Variants in SCN11A observed in about 807,000 individuals in gnomAD.
SCN11A encodes sodium voltage-gated channel alpha subunit 11, also known as sodium channel protein type 11 subunit alpha.
SCN11A carries 122 observed loss-of-function variants against 162.2 expected under a neutral mutation model. That is an observed-to-expected ratio of 0.75 (90% CI 0.65 to 0.87). The LOEUF (loss-of-function observed/expected upper bound fraction) is 0.87, where lower values mean the gene tolerates loss of function less well. Among genes scored for constraint, SCN11A ranks in the 40% least tolerant of loss-of-function variants. The probability of loss-of-function intolerance (pLI) is 0.00; values close to 1 mark genes in which losing one functional copy is unlikely to be tolerated. For missense variants in SCN11A, 2,015 were observed against 2,181.6 expected, an observed-to-expected ratio of 0.92 and a Z score of 1.52; for synonymous variants, 758 against 751.5, an observed-to-expected ratio of 1.01 and a Z score of -0.14.
At chr3:38,914,082 G>A (rs2065924521) in intron 11 of SCN11A, among the ~76,000 whole-genome samples, 1 of 152,068 alleles carries the variant, frequency 6.6e-6, no homozygotes, top group African/African-American at 2.4e-5. Context: ...ATTGCTCTAG[G>A]CAGTATATCC....
chr3:39,010,672 C>G (rs2125602441), intron 2 of SCN11A, among the ~76,000 whole-genome samples: 1 of 152,328 alleles, frequency 6.6e-6, no homozygotes, highest in Non-Finnish European at 1.5e-5. Flanking sequence ...GCCACCACTC[C>G]CAGCCCGTGA....
At chr3:38,963,243 A>T (rs2066753389) in intron 2 of SCN11A, among the ~76,000 whole-genome samples, 1 of 150,054 alleles carries the variant, frequency 6.7e-6, no homozygotes, top group Admixed American at 6.7e-5. Flanking sequence ...AAAAAAAATA[A>T]TCTGTACATC....
chr3:39,037,072 C>G (rs2031920949), intron 1 of SCN11A, among the ~76,000 whole-genome samples: 1 of 152,190 alleles, frequency 6.6e-6, no homozygotes, highest in Non-Finnish European at 1.5e-5. Context: ...TGGAATCAAC[C>G]TAAGTGTTCA....
intron 7 of SCN11A, 33 bp from the exon 8 acceptor site, chr3:38,926,964 C>T (rs1559537015): frequency 1.3e-6 from 2 of 1,589,640 alleles, no homozygotes; most frequent in Admixed American, 3.5e-5. Context: ...CAGGAAGAAA[C>T]ATGATAAACA....
rs763171164 is a variant in SCN11A at position 38,995,811 on chromosome 3, ATCTATCTG to A, written c.-279-35396_-279-35389del. ...CTCACAATAAATTGTCTATCTATCTATCTATCTGTCTATCTATCTATCTATCTATCTAT... is the reference window on the plus strand; with the variant it reads ...CTCACAATAAATTGTCTATCTATCTATCTATCTATCTATCTATCTATCTAT... On this transcript the variant is annotated intron_variant, in intron 2 of 29. Coordinates refer to ENST00000302328, the MANE Select transcript of SCN11A (RefSeq NM_001349253.2). Among the ~76,000 whole-genome samples, 671 of 142,958 alleles carry A rather than the reference ATCTATCTG, an allele frequency of 4.7e-3. 7 individuals are homozygous for A. The highest frequency in any genetic ancestry group is 0.016 in the African/African-American group (559 of 34,276). The allele number at this position is 142,958 out of a possible 152,430, so 93.8% of individuals were successfully genotyped here.
At chr3:39,033,164 AAAGAG>A (rs765519833) in intron 1 of SCN11A, among the ~76,000 whole-genome samples, 10 of 149,026 alleles carry the variant, frequency 6.7e-5, no homozygotes, top group Non-Finnish European at 6.0e-5. Context: ...AAAAAAAAAA[AAAGAG>A]AGAGAGAGAG....
intron 2 of SCN11A, among the ~76,000 whole-genome samples, chr3:39,024,199 T>C (rs1382947059): frequency 1.3e-5 from 2 of 152,204 alleles, no homozygotes; most frequent in Non-Finnish European, 1.5e-5. Flanking sequence ...AAATCGTTTG[T>C]TTTTATGTTT....
chr3:38,990,775 A>C (rs897380723), intron 2 of SCN11A, among the ~76,000 whole-genome samples: 1 of 152,160 alleles, frequency 6.6e-6, no homozygotes, highest in African/African-American at 2.4e-5. Flanking sequence ...GAAAAGGTTA[A>C]GAAACTCGGC....
chr3:38,938,509 C>CATATATATATATAT (rs1166609754), intron 7 of SCN11A, among the ~76,000 whole-genome samples: 2 of 35,522 alleles, frequency 5.6e-5, no homozygotes, highest in Non-Finnish European at 1.1e-4. Context: ...GGAAAAATAT[C>CATATATATATATAT]ATATATATAT....
chr3:39,011,731 T>C (rs1024561731), intron 2 of SCN11A, among the ~76,000 whole-genome samples: 4 of 152,196 alleles, frequency 2.6e-5, no homozygotes, highest in African/African-American at 9.6e-5. Flanking sequence ...CTCAAGATTT[T>C]CCTATATTTC....
At chr3:39,003,523 T>C (rs1314256394) in intron 2 of SCN11A, among the ~76,000 whole-genome samples, 1 of 152,232 alleles carries the variant, frequency 6.6e-6, no homozygotes, top group African/African-American at 2.4e-5. Flanking sequence ...GTAGAATGAT[T>C]TATATTCCTC....
At chr3:38,985,315 A>G (rs901326477) in intron 2 of SCN11A, among the ~76,000 whole-genome samples, 1 of 150,028 alleles carries the variant, frequency 6.7e-6, no homozygotes, top group Non-Finnish European at 1.5e-5. Flanking sequence ...TATTTTTAGT[A>G]GAGACGGGGT....
rs559077489 is a variant in SCN11A at position 38,985,067 on chromosome 3, G to A, written c.-279-24644C>T. Among the ~76,000 whole-genome samples the A allele has an allele frequency of 7.2e-4, 108 of 150,384 alleles. 10 individuals carry two copies. The highest frequency in any genetic ancestry group is 2.4e-3 in the African/African-American group (94 of 39,902). On this transcript the variant is annotated intron_variant, in intron 2 of 29. Coordinates refer to ENST00000302328, the MANE Select transcript of SCN11A (RefSeq NM_001349253.2). ...TTGTGATACAATGAAAGCCACAGGA[G>A]GGCTTAAACAGAGGATGACATATTC...
At chr3:39,042,105 C>G (rs1469678464) in intron 1 of SCN11A, among the ~76,000 whole-genome samples, 1 of 151,918 alleles carries the variant, frequency 6.6e-6, no homozygotes, top group African/African-American at 2.4e-5. Flanking sequence ...CCTGTCCCCA[C>G]CAAAAATATA....
intron 1 of SCN11A, among the ~76,000 whole-genome samples, chr3:39,035,311 A>C (rs565726252): frequency 2.0e-5 from 3 of 152,310 alleles, no homozygotes; most frequent in African/African-American, 7.2e-5. Flanking sequence ...CAATGAACTC[A>C]CTTTTGATAA....
chr3:38,852,881 T>C (rs2064806010), intron 28 of SCN11A, among the ~76,000 whole-genome samples: 1 of 152,192 alleles, frequency 6.6e-6, no homozygotes. Flanking sequence ...ATCTGGAATA[T>C]AAAAGTCAAG....
chr3:38,855,975 C>T (rs1474251985), intron 28 of SCN11A, among the ~76,000 whole-genome samples: 2 of 152,202 alleles, frequency 1.3e-5, no homozygotes, highest in Non-Finnish European at 1.5e-5. Flanking sequence ...AACAATACTG[C>T]AGTCTGGCTT....
chr3:39,050,594 T>C (rs1354833751), intron 1 of SCN11A, among the ~76,000 whole-genome samples: 1 of 120,470 alleles, frequency 8.3e-6, no homozygotes, highest in African/African-American at 4.0e-5. Context: ...TCTTTATTAA[T>C]TTAAGAAGTA....
At chr3:39,028,414 A>G (rs549409205) in intron 2 of SCN11A, among the ~76,000 whole-genome samples, 1 of 152,202 alleles carries the variant, frequency 6.6e-6, no homozygotes, top group Non-Finnish European at 1.5e-5. Flanking sequence ...GGGATATTTC[A>G]TTTGTCAATT....
Sources: allele counts gnomAD v4.1 joint callset (sites outside exome capture counted in the v4.1 genomes callset), GRCh38; gene constraint gnomAD v4.1.1; transcripts MANE v1.5; gene names NCBI Gene and HGNC (gene_info 2026-07-23, HGNC 2026-07-21).